Variants in RFWD3 observed in about 807,000 individuals in gnomAD.
RFWD3 encodes the protein ring finger and WD repeat domain 3, also known as E3 ubiquitin-protein ligase RFWD3.
RFWD3 carries 65 observed loss-of-function variants against 87.7 expected under a neutral mutation model. That is an observed-to-expected ratio of 0.74 (90% CI 0.61 to 0.91). The LOEUF is 0.91. RFWD3 is among the 40% of genes least tolerant of loss of function. The pLI is 0.00. For missense variants in RFWD3, 1,078 were observed against 938.5 expected, an observed-to-expected ratio of 1.15 and a Z score of -1.94; for synonymous variants, 433 against 352.8, an observed-to-expected ratio of 1.23 and a Z score of -2.55.
At chr16:74,637,834 G>C (rs1255310058) in intron 7 of RFWD3, 22 bp downstream of exon 7, 1 of 1,562,266 alleles carries the variant, frequency 6.4e-7, no homozygotes, top group Admixed American at 1.7e-5. Flanking sequence ...AAAGTTCTTT[G>C]GATTAGAAAG....
chr16:74,640,277 C>G (rs1282910457), intron 6 of RFWD3, among the ~76,000 whole-genome samples: 1 of 151,704 alleles, frequency 6.6e-6, no homozygotes, highest in Non-Finnish European at 1.5e-5. Flanking sequence ...TCCTGAGTAG[C>G]TGGGATTACA....
rs747413031 is a variant in RFWD3, at chr16:74,661,339, C to G, written c.111G>C (p.Gln37His). ...ASSQGGPALL[Q>H]PVPADVVSSQ... Reference sequence around the variant, plus strand: ...TGCTGACCACATCAGCAGGAACAGGCTGGAGGAGGGCTGGTCCCCCTTGGC... The same window carrying G: ...TGCTGACCACATCAGCAGGAACAGGGTGGAGGAGGGCTGGTCCCCCTTGGC... Residue 37 changes from glutamine to histidine, a missense_variant, in exon 2 of 13, where the codon CAG becomes CAC. Gln to His is a conservative substitution (Grantham distance 24). Coordinates refer to ENST00000361070, the MANE Select transcript of RFWD3 (RefSeq NM_018124.4). The G allele has an allele frequency of 4.3e-6, 7 of 1,613,986 alleles. No homozygotes were observed. The highest frequency in any genetic ancestry group is 5.1e-6 in the Non-Finnish European group (6 of 1,180,032).
At chr16:74,630,320 G>A (rs897690842) in intron 10 of RFWD3, among the ~76,000 whole-genome samples, 1 of 152,132 alleles carries the variant, frequency 6.6e-6, no homozygotes, top group African/African-American at 2.4e-5. Flanking sequence ...GGCTGGTCTC[G>A]AATTCCTGAC....
rs1961967768 is a variant in RFWD3 at position 74,666,819 on chromosome 16, C to CCCGCTGAAGACTCGGTAGTTACCT, written c.-37_-36insAGGTAACTACCGAGTCTTCAGCGG. ...AGCAGGCCGCGGCCGGGCTCGCGAG[C>CCCGCTGAAGACTCGGTAGTTACCT]CCGCCGAAGACTCGGTAGTTACCTC... On this transcript the variant is annotated 5_prime_UTR_variant, in exon 1 of 13. Transcript: ENST00000361070. 1 of 35,436 alleles carries CCCGCTGAAGACTCGGTAGTTACCT rather than the reference C, an allele frequency of 2.8e-5. No individual in the cohort carries two copies. The highest frequency in any genetic ancestry group is 2.2e-4 in the African/African-American group (1 of 4,618). The allele number at this position is 35,436 out of a possible 1,614,324, so 2.2% of individuals were successfully genotyped here.
In RFWD3 at chr16:74,621,847, C is replaced by G. The variant is rs1268820919; in HGVS notation, c.*2081G>C. ...GTAGCTGGGACTACAGGCATGCGCA[C>G]CACTGCACCCAGTTAATTTTTGTAT... On this transcript the variant is annotated 3_prime_UTR_variant, in exon 13 of 13. Coordinates refer to ENST00000361070, the MANE Select transcript of RFWD3 (RefSeq NM_018124.4). The G allele has an allele frequency of 6.6e-6, 1 of 152,100 alleles. No individual in the cohort carries two copies. Among genetic ancestry groups the G allele is most frequent in the Non-Finnish European group, 1.5e-5 (1 of 68,036 alleles). 9.4% of individuals were successfully genotyped at this position (152,100 alleles called of 1,614,324 possible).
At chr16:74,660,681 C>G (rs1268643813) in intron 2 of RFWD3, 11 of 416,878 alleles carry the variant, frequency 2.6e-5, no homozygotes, top group South Asian at 1.2e-4. Context: ...AAGACACAAT[C>G]TGAACAACAG....
rs1048714922 is a variant in RFWD3 at position 74,621,826 on chromosome 16, C to G, written c.*2102G>C. ...TCTCCTGCCTCAGCCTCCCAAGTAG[C>G]TGGGACTACAGGCATGCGCACCACT... On this transcript the variant is annotated 3_prime_UTR_variant, in exon 13 of 13. Transcript: ENST00000361070. 5 of 152,230 alleles carry G rather than the reference C, an allele frequency of 3.3e-5. No homozygotes were observed. The highest frequency in any genetic ancestry group is 2.6e-4 in the Admixed American group (4 of 15,262). 9.4% of individuals were successfully genotyped at this position (152,230 alleles called of 1,614,324 possible). A position where few individuals can be genotyped will look rare whatever the true frequency, so the allele number is the denominator to read the frequency against.
At chr16:74,643,312 A>G (rs887298592) in intron 6 of RFWD3, among the ~76,000 whole-genome samples, 1 of 152,172 alleles carries the variant, frequency 6.6e-6, no homozygotes, top group African/African-American at 2.4e-5. Flanking sequence ...AAATGCAATC[A>G]TACTAATAAC....
chr16:74,661,180 A>G lies in RFWD3; in HGVS notation c.270T>C (p.Thr90=), dbSNP rs948917579. 2 of 1,614,202 alleles carry G rather than the reference A, an allele frequency of 1.2e-6. No homozygotes were observed. Among genetic ancestry groups the G allele is most frequent in the Admixed American group, 3.3e-5 (2 of 60,032 alleles). Residue 90 remains threonine, a synonymous_variant, in exon 2 of 13, where the codon ACT becomes ACC. Transcript: ENST00000361070. ...AAGTTCTTGGATTGATGTTCTCCAC[A>G]GTGTCTTCTCCCAAGACCTCCACTT... is the stretch of plus-strand genomic sequence containing the variant. ...LTEVEVLGED[T]VENINPRTSE... is the part of the protein sequence containing the mutation.
intron 10 of RFWD3, 61 bp from the exon 11 acceptor site, chr16:74,628,727 A>T (rs933369115): frequency 6.8e-7 from 1 of 1,469,226 alleles, no homozygotes; most frequent in Non-Finnish European, 9.5e-7. Context: ...TCCAGACCCC[A>T]CTACCAGACC....
In RFWD3 at chr16:74,644,734, G is replaced by A. The variant is rs761136585; in HGVS notation, c.794C>T (p.Pro265Leu). The A allele has an allele frequency of 3.1e-6, 5 of 1,606,192 alleles. No homozygotes were observed. Among genetic ancestry groups the A allele is most frequent in the Admixed American group, 1.7e-5 (1 of 59,260 alleles). The change falls in exon 5 of 13, where the codon CCA (proline) becomes CTA (leucine). Residue 265 changes from proline (P) to leucine (L), a missense_variant and splice_region_variant. Transcript: ENST00000361070. ...CAGAGGCTCAGACTTCTGGGGAGAT[G>A]GCTAGATGGAAAGCAGAATATATTC... ...IDGGKTLPKQ[P>L]SPQKSEPLLP...
rs1958831435 is a variant in RFWD3 at position 74,623,663 on chromosome 16, T to C, written c.*265A>G. On this transcript the variant is annotated 3_prime_UTR_variant, in exon 13 of 13. Coordinates refer to ENST00000361070, the MANE Select transcript of RFWD3 (RefSeq NM_018124.4). ...ATAAAGAAAATAAGAATTTCCAACA[T>C]ACAATAATGGTTAATGAAGGCTTTA... The C allele has an allele frequency of 1.8e-5, 6 of 325,228 alleles. No homozygotes were observed. Among genetic ancestry groups the C allele is most frequent in the Non-Finnish European group, 2.8e-5 (5 of 179,400 alleles). 20.1% of individuals were successfully genotyped at this position (325,228 alleles called of 1,614,324 possible). A position where few individuals can be genotyped will look rare whatever the true frequency, so the allele number is the denominator to read the frequency against.
intron 8 of RFWD3, among the ~76,000 whole-genome samples, chr16:74,633,438 C>T (rs1003111874): frequency 1.3e-5 from 2 of 151,084 alleles, no homozygotes; most frequent in Admixed American, 6.6e-5. Context: ...GAATACCACC[C>T]GTTAAAAAGG....
intron 2 of RFWD3, among the ~76,000 whole-genome samples, chr16:74,659,157 C>G (rs772211314): frequency 1.3e-5 from 2 of 152,070 alleles, no homozygotes; most frequent in Non-Finnish European, 2.9e-5. Context: ...AAGTGTCACC[C>G]TTAAGTTGGT....
intron 8 of RFWD3, among the ~76,000 whole-genome samples, chr16:74,633,279 GA>G (rs59964330): frequency 1.6e-4 from 18 of 110,980 alleles, no homozygotes; most frequent in Non-Finnish European, 2.8e-4. Flanking sequence ...CTCCGTCTCA[GA>G]AAAAAAAAAA....
intron 7 of RFWD3, 42 bp from the exon 8 acceptor site, chr16:74,636,619 T>A (rs1430712214): frequency 2.2e-6 from 3 of 1,390,942 alleles, no homozygotes; most frequent in Non-Finnish European, 3.0e-6. Context: ...CTTTTTAATT[T>A]GATATTCCCC....
At position 74,661,414 on chromosome 16, in the gene RFWD3, C is replaced by T. The variant is rs1162425318; in HGVS notation, c.36G>A (p.Val12=). Residue 12 remains valine, a synonymous_variant, in exon 2 of 13, where the codon GTG becomes GTA. Coordinates refer to ENST00000361070, the MANE Select transcript of RFWD3 (RefSeq NM_018124.4). The part of the protein sequence containing the change: ...AHEAMEYDVQ[V]QLNHAEQQPA... ...GCTGTTGTTCGGCATGATTTAACTG[C>T]ACCTGAACATCATATTCCATTGCTT... 1 of 1,613,392 alleles carries T rather than the reference C, an allele frequency of 6.2e-7. No homozygotes were observed.
rs1052666842 is a variant in RFWD3, at chr16:74,666,339, T to G, written c.-3+447A>C. On this transcript the variant is annotated intron_variant, in intron 1 of 12. Transcript: ENST00000361070. ...TGTAAAACAGGGATAATACAAGTCT[T>G]TACTCCACAGTTTCCGTGATGAAAT... 2.6e-5 allele frequency: 4 copies of G among 152,312 alleles called. No homozygotes were observed. The South Asian group carries it at 8.3e-4, about 32-fold the overall frequency. The allele number at this position is 152,312 out of a possible 1,614,324, so 9.4% of individuals were successfully genotyped here.
chr16:74,634,427 C>G (rs372677015), intron 8 of RFWD3, among the ~76,000 whole-genome samples: 5 of 152,024 alleles, frequency 3.3e-5, no homozygotes, highest in African/African-American at 1.2e-4. Flanking sequence ...CTCTGTCACC[C>G]ATGCTAAGGT....
Sources: gnomAD v4.1 joint callset for allele counts (sites outside exome capture counted in the v4.1 genomes callset) on GRCh38, gnomAD v4.1.1 for gene constraint, MANE v1.5 for transcripts, NCBI Gene and HGNC (gene_info 2026-07-23, HGNC 2026-07-21) for gene names.